The following BEND3 variants were observed in gnomAD, a reference collection of about 807,000 sequenced individuals.
BEND3 encodes BEN domain-containing protein 3.
A neutral mutation model predicts 60.1 loss-of-function variants in BEND3; 13 were observed. That is an observed-to-expected ratio of 0.22 (90% CI 0.14 to 0.34). The LOEUF (loss-of-function observed/expected upper bound fraction) is 0.34. Ranked by LOEUF, BEND3 falls within the 10% of genes least tolerant of loss-of-function variation. BEND3 has a pLI of 1.00. For missense variants in BEND3, 896 were observed against 1,138.1 expected (o/e 0.79, Z 3.06); for synonymous variants, 497 against 491.5 (o/e 1.01, Z -0.15).
chr6:107,100,342 A>C (rs1176153778), intron 1 of BEND3, among the ~76,000 whole-genome samples: 1 of 152,062 alleles, frequency 6.6e-6, no homozygotes, highest in Non-Finnish European at 1.5e-5. Flanking sequence ...TCCTGGGTTC[A>C]AGTGATTCTC....
At chr6:107,086,200 TG>T (rs1245519088) in intron 3 of BEND3, among the ~76,000 whole-genome samples, 28 of 152,200 alleles carry the variant, frequency 1.8e-4, no homozygotes, top group African/African-American at 6.8e-4. Flanking sequence ...CTCCAGCTCC[TG>T]CCTTTCACCT....
At chr6:107,101,852 C>A (rs1554236781) in intron 1 of BEND3, among the ~76,000 whole-genome samples, 1 of 152,160 alleles carries the variant, frequency 6.6e-6, no homozygotes, top group Non-Finnish European at 1.5e-5. Context: ...AATGCCCCTG[C>A]CCTTGGAAAC....
At chr6:107,088,632 G>A (rs1295405435) in intron 3 of BEND3, among the ~76,000 whole-genome samples, 4 of 152,116 alleles carry the variant, frequency 2.6e-5, no homozygotes, top group African/African-American at 9.7e-5. Flanking sequence ...ACCTATAGAG[G>A]AGCAAAGATA....
In BEND3 at chr6:107,069,838, G is replaced by T. The variant is rs1205050274; in HGVS notation, c.1353C>A (p.Ile451=). ...QELDPQRLQI[I]RNYTEIYFPD... is the part of the protein sequence containing the mutation. ...GGAAGTAGATCTCCGTGTAGTTGCG[G>T]ATGATCTGCAGCCGCTGCGGGTCCA... Residue 451 remains isoleucine, a synonymous_variant, in exon 4 of 4, where the codon ATC becomes ATA. Transcript: ENST00000369042. The T allele has an allele frequency of 3.1e-6, 5 of 1,613,558 alleles. No individual in the cohort carries two copies. The East Asian group carries it at 1.1e-4, about 36-fold the overall frequency.
In BEND3 at chr6:107,092,600, T is replaced by C. The variant is rs1775499446; in HGVS notation, c.240+5951A>G. Among the ~76,000 whole-genome samples, 6 of 152,320 alleles carry C rather than the reference T, an allele frequency of 3.9e-5. No homozygotes were observed. The South Asian group carries it at 1.2e-3, about 32-fold the overall frequency. ...GATGTCTCCCTCTCCTCATTCCTTT[T>C]CAATATTGTACTGAAGGTCTTAGGT... On this transcript the variant is annotated intron_variant, in intron 3 of 3. Coordinates refer to ENST00000369042, the MANE Select transcript of BEND3 (RefSeq NM_001367314.1).
intron 3 of BEND3, among the ~76,000 whole-genome samples, chr6:107,091,603 GGAA>G (rs1292563037): frequency 6.6e-6 from 1 of 152,130 alleles, no homozygotes; most frequent in Non-Finnish European, 1.5e-5. Flanking sequence ...TAGAACTCAT[GGAA>G]GAAGAGACAT....
rs1774913655 is a variant in BEND3 at position 107,069,520 on chromosome 6, C to T, written c.1671G>A (p.Lys557=). ...EVPGADCLLS[K]EQLRSIYESS... ...TCTCGTAGATGCTGCGTAGCTGCTC[C>T]TTGCTGAGCAGGCAGTCGGCACCGG... The change falls in exon 4 of 4, where the codon AAG becomes AAA. Residue 557 remains lysine, a synonymous_variant. Transcript: ENST00000369042. 1.9e-6 allele frequency: 3 copies of T among 1,613,262 alleles called. No individual in the cohort carries two copies. The highest frequency in any genetic ancestry group is 1.1e-5 in the South Asian group (1 of 91,090).
rs193025814 is a variant in BEND3 at position 107,101,812 on chromosome 6, C to A, written c.-11-2516G>T. 5.9e-5 allele frequency among the ~76,000 whole-genome samples: 9 copies of A among 152,284 alleles called. No homozygotes were observed. The East Asian group carries it at 1.7e-3, about 29-fold the overall frequency. ...CCGGATTCCCAGCCTGGTAGGAGGC[C>A]TCTCAAGGAAACACACTGCAGGTCA... is the stretch of plus-strand genomic sequence containing the variant. On this transcript the variant is annotated intron_variant, in intron 1 of 3. Transcript: ENST00000369042.
At chr6:107,108,640 C>G (rs1225364112) in intron 1 of BEND3, among the ~76,000 whole-genome samples, 1 of 152,122 alleles carries the variant, frequency 6.6e-6, no homozygotes, top group East Asian at 1.9e-4. Flanking sequence ...TAGCTCCATG[C>G]TCAAACCAAA....
rs1462679744 is a variant in BEND3, at chr6:107,067,791, C to A, written c.*913G>T. ...TTCATGGTGAGCTCAAAGAGGCCCA[C>A]CCTTAAATCTAACAAGAAGCCAAAA... is the stretch of plus-strand genomic sequence containing the variant. On this transcript the variant is annotated 3_prime_UTR_variant, in exon 4 of 4. Coordinates refer to ENST00000369042, the MANE Select transcript of BEND3 (RefSeq NM_001367314.1). 3.3e-5 allele frequency: 5 copies of A among 152,172 alleles called. No homozygotes were observed. Among genetic ancestry groups the A allele is most frequent in the Admixed American group, 6.5e-5 (1 of 15,270 alleles). 9.4% of individuals were successfully genotyped at this position (152,172 alleles called of 1,614,324 possible). A position where few individuals can be genotyped will look rare whatever the true frequency, so the allele number is the denominator to read the frequency against.
chr6:107,072,947 C>T (rs782421607), intron 3 of BEND3, among the ~76,000 whole-genome samples: 9 of 151,930 alleles, frequency 5.9e-5, no homozygotes, highest in Non-Finnish European at 1.3e-4. Flanking sequence ...AAGATCTTGC[C>T]ACTGCACCCC....
intron 3 of BEND3, among the ~76,000 whole-genome samples, chr6:107,080,598 T>C (rs1775212382): frequency 6.6e-6 from 1 of 151,976 alleles, no homozygotes; most frequent in Non-Finnish European, 1.5e-5. Flanking sequence ...GTCCCCAGGG[T>C]TGGCTGGGCA....
rs200049422 is a variant in BEND3 at position 107,086,764 on chromosome 6, C to A, written c.240+11787G>T. 9.3e-5 allele frequency among the ~76,000 whole-genome samples: 14 copies of A among 149,954 alleles called. 1 individual carries two copies. The East Asian group carries it at 2.6e-3, about 28-fold the overall frequency. On this transcript the variant is annotated intron_variant, in intron 3 of 3. Transcript: ENST00000369042. ...AAAACTGGCTGGGCACAGTGGCTCA[C>A]GCCTGTAATCCCAGCACTTTGGGAG... is the stretch of plus-strand genomic sequence containing the variant.
At chr6:107,092,881 A>C (rs1310023021) in intron 3 of BEND3, among the ~76,000 whole-genome samples, 1 of 152,202 alleles carries the variant, frequency 6.6e-6, no homozygotes, top group Non-Finnish European at 1.5e-5. Context: ...TTATATCAGG[A>C]CTCCAAAAAC....
At chr6:107,077,402 C>G (rs1775122948) in intron 3 of BEND3, among the ~76,000 whole-genome samples, 1 of 152,150 alleles carries the variant, frequency 6.6e-6, no homozygotes, top group African/African-American at 2.4e-5. Flanking sequence ...CGGTTCACCC[C>G]TCCTTAGGCA....
chr6:107,089,086 C>T (rs561283864), intron 3 of BEND3, among the ~76,000 whole-genome samples: 2 of 151,560 alleles, frequency 1.3e-5, no homozygotes, highest in East Asian at 3.9e-4. Context: ...GTGAAGTTGC[C>T]GAGATCGCCC....
chr6:107,094,746 T>A (rs1321377537), intron 3 of BEND3, among the ~76,000 whole-genome samples: 3 of 151,448 alleles, frequency 2.0e-5, no homozygotes, highest in Non-Finnish European at 4.4e-5. Context: ...TCCCAGCTAC[T>A]TGGGAGTCTG....
chr6:107,105,760 G>A (rs1554237402), intron 1 of BEND3, among the ~76,000 whole-genome samples: 1 of 152,210 alleles, frequency 6.6e-6, no homozygotes, highest in Non-Finnish European at 1.5e-5. Flanking sequence ...CTAGATCAGA[G>A]ATGTCCTCGC....
chr6:107,085,002 T>C (rs1036012054), intron 3 of BEND3, among the ~76,000 whole-genome samples: 1 of 152,232 alleles, frequency 6.6e-6, no homozygotes. Context: ...CCTCACTCTT[T>C]GGGTCTGCAG....
Sources: allele counts gnomAD v4.1 joint callset (sites outside exome capture counted in the v4.1 genomes callset), GRCh38; gene constraint gnomAD v4.1.1; transcripts MANE v1.5; gene names NCBI Gene and HGNC (gene_info 2026-07-23, HGNC 2026-07-21).